The following ANO2 variants were observed in gnomAD, a reference collection of about 807,000 sequenced individuals.
ANO2 encodes the protein anoctamin 2, also known as anoctamin-2.
A neutral mutation model predicts 124.2 loss-of-function variants in ANO2; 101 were observed. The observed-to-expected ratio is 0.81, with a 90% CI of 0.69 to 0.96. The LOEUF (loss-of-function observed/expected upper bound fraction) is 0.96, where lower values mean the gene tolerates loss of function less well. Ranked by LOEUF, ANO2 falls within the 40% of genes least tolerant of loss-of-function variation. The pLI, the probability that ANO2 is intolerant of heterozygous loss-of-function variation, is 0.00. For synonymous variants in ANO2, 486 were observed against 482.5 expected (o/e 1.01, Z -0.09); for missense variants, 1,293 against 1,274.5 (o/e 1.01, Z -0.22).
At chr12:5,584,136 C>CG (rs898560237) in intron 20 of ANO2, 8 of 163,760 alleles carry the variant, frequency 4.9e-5, no homozygotes, top group East Asian at 3.8e-4. Flanking sequence ...TGAACACCCC[C>CG]CCCCCGCCGC....
intron 4 of ANO2, among the ~76,000 whole-genome samples, chr12:5,834,086 C>CACCTCCAAGCTGGCT (rs1954241283): frequency 1.3e-5 from 2 of 152,128 alleles, no homozygotes; most frequent in Non-Finnish European, 2.9e-5. Context: ...CCGTCCATCC[C>CACCTCCAAGCTGGCT]ACCTCCAAGC....
intron 14 of ANO2, among the ~76,000 whole-genome samples, chr12:5,725,339 T>C (rs934229141): frequency 6.6e-6 from 1 of 152,176 alleles, no homozygotes; most frequent in Non-Finnish European, 1.5e-5. Context: ...TTTATTTCTC[T>C]TCCCCGATAG....
At chr12:5,817,619 G>C (rs1292669193) in intron 7 of ANO2, among the ~76,000 whole-genome samples, 1 of 152,140 alleles carries the variant, frequency 6.6e-6, no homozygotes, top group Non-Finnish European at 1.5e-5. Context: ...GAAAAACACA[G>C]GCAGGACATT....
intron 4 of ANO2, chr12:5,852,055 G>C (rs1037562414): frequency 1.4e-6 from 1 of 702,826 alleles, no homozygotes; most frequent in East Asian, 2.7e-5. Flanking sequence ...AAACCAGAGA[G>C]AAAGGAGAAT....
chr12:5,743,807 C>A (rs763964690), intron 12 of ANO2, among the ~76,000 whole-genome samples: 1 of 152,122 alleles, frequency 6.6e-6, no homozygotes, highest in Non-Finnish European at 1.5e-5. Context: ...TATTGTGCTG[C>A]ACGATATCTA....
chr12:5,884,856 G>A (rs978084512), intron 3 of ANO2, among the ~76,000 whole-genome samples: 1 of 152,170 alleles, frequency 6.6e-6, no homozygotes, highest in African/African-American at 2.4e-5. Context: ...CCCCCAGCCA[G>A]GACTTCTAAT....
At chr12:5,568,142 T>TA (rs1941885054) in intron 23 of ANO2, among the ~76,000 whole-genome samples, 1 of 147,304 alleles carries the variant, frequency 6.8e-6, no homozygotes. Context: ...TATGCTTTTT[T>TA]TTTTTTTTTT....
At chr12:5,784,364 A>T (rs999372361) in intron 10 of ANO2, among the ~76,000 whole-genome samples, 4 of 152,112 alleles carry the variant, frequency 2.6e-5, no homozygotes, top group African/African-American at 9.7e-5. Context: ...TTCCAACTTG[A>T]CTATAAGCTC....
intron 19 of ANO2, among the ~76,000 whole-genome samples, chr12:5,603,944 C>CAAAAAAAAAAAAA (rs63415160): frequency 1.3e-5 from 1 of 74,136 alleles, no homozygotes; most frequent in Non-Finnish European, 2.3e-5. Flanking sequence ...GATTCCGTCT[C>CAAAAAAAAAAAAA]AAAAAAAAAA....
chr12:5,801,331 G>GTATC (rs1953032331), intron 9 of ANO2, among the ~76,000 whole-genome samples: 2 of 152,172 alleles, frequency 1.3e-5, no homozygotes, highest in African/African-American at 4.8e-5. Context: ...CCTCATCTAG[G>GTATC]TATCCATGCT....
chr12:5,928,891 A>G (rs376167200), intron 1 of ANO2, among the ~76,000 whole-genome samples: 2 of 2,284 alleles, frequency 8.8e-4, no homozygotes, highest in Non-Finnish European at 2.6e-3. Context: ...TTACTAGTCT[A>G]TCTTCTTTCC....
intron 15 of ANO2, among the ~76,000 whole-genome samples, chr12:5,642,667 C>T (rs935901165): frequency 6.6e-6 from 1 of 152,154 alleles, no homozygotes; most frequent in African/African-American, 2.4e-5. Flanking sequence ...GGTCATGTCA[C>T]TCCTTGCAAG....
chr12:5,600,193 T>A (rs1943868925), intron 19 of ANO2, among the ~76,000 whole-genome samples: 1 of 143,216 alleles, frequency 7.0e-6, no homozygotes, highest in African/African-American at 2.5e-5. Flanking sequence ...TTAGATTAAA[T>A]AAGGTCAAAA....
intron 3 of ANO2, among the ~76,000 whole-genome samples, chr12:5,891,734 T>C (rs911746719): frequency 2.6e-5 from 4 of 152,178 alleles, no homozygotes; most frequent in African/African-American, 7.2e-5. Context: ...TCAAATAGCA[T>C]AAGGCTGTGA....
chr12:5,828,804 C>T (rs1954066141), intron 6 of ANO2, among the ~76,000 whole-genome samples: 1 of 152,178 alleles, frequency 6.6e-6, no homozygotes, highest in Non-Finnish European at 1.5e-5. Context: ...CCAGCCTATG[C>T]CAGTCTATAA....
Position 5,658,454 on chromosome 12 carries a change from T to A in ANO2, c.1546-10653A>T, listed in dbSNP as rs78883692. 3.5e-5 allele frequency among the ~76,000 whole-genome samples: 1 copy of A among 28,186 alleles called. No homozygotes were observed. Among genetic ancestry groups the A allele is most frequent in the Admixed American group, 5.5e-4 (1 of 1,832 alleles). The allele number at this position is 28,186 out of a possible 152,430, so 18.5% of individuals were successfully genotyped here. ...ATCAAAATTAACATAATCATCAACA[T>A]CATCATCATATCATCACTATCATCA... On this transcript the variant is annotated intron_variant, in intron 14 of 24. Transcript: ENST00000682330. This position sits in a 1 kb window ranked among gnomAD's most constrained non-coding sequence, Gnocchi z 4.3.
chr12:5,691,443 G>A (rs11063824), intron 14 of ANO2, among the ~76,000 whole-genome samples: 56,804 of 151,942 alleles, frequency 0.37, 12,376 homozygotes, highest in East Asian at 0.59. Flanking sequence ...ACAGATGAAG[G>A]CAGGAAGACA....
At chr12:5,810,694 G>A (rs942174640) in intron 7 of ANO2, among the ~76,000 whole-genome samples, 2 of 152,174 alleles carry the variant, frequency 1.3e-5, no homozygotes, top group African/African-American at 4.8e-5. Flanking sequence ...AGCCCCTGAG[G>A]AGCCCCTTAC....
At chr12:5,685,356 T>C (rs536281639) in intron 14 of ANO2, among the ~76,000 whole-genome samples, 2 of 152,156 alleles carry the variant, frequency 1.3e-5, no homozygotes. Flanking sequence ...CGAGTCTCCA[T>C]GGTGGGGAAG....
Sources: gnomAD v4.1 joint callset for allele counts (sites outside exome capture counted in the v4.1 genomes callset) on GRCh38, gnomAD v4.1.1 for gene constraint, Gnocchi (gnomAD v3.1) non-coding constraint, MANE v1.5 for transcripts, NCBI Gene and HGNC (gene_info 2026-07-23, HGNC 2026-07-21) for gene names.